DGCR2: variants seen among roughly 807,000 people sequenced by gnomAD.
DGCR2 encodes the protein DiGeorge syndrome critical region gene 2.
DGCR2 carries 24 observed loss-of-function variants against 51.6 expected under a neutral mutation model. The ratio of observed to expected loss-of-function variants is 0.47; its 90% CI spans 0.34 to 0.65. DGCR2 has a LOEUF of 0.65. DGCR2 is among the 30% of genes least tolerant of loss of function. The probability of loss-of-function intolerance (pLI) is 0.01; values close to 1 mark genes in which losing one functional copy is unlikely to be tolerated. For missense variants in DGCR2, 765 were observed against 772.1 expected (o/e 0.99, Z 0.11); for synonymous variants, 340 against 315.4 (o/e 1.08, Z -0.82).
In DGCR2 at chr22:19,065,010, T is replaced by A. The variant is rs1569055964; in HGVS notation, c.386A>T (p.Tyr129Phe). ...WHHYEGTASCYRVYLSGENYW... is the reference protein window; with the variant it reads ...WHHYEGTASCFRVYLSGENYW... ...GTTCTCCCCGCTCAGGTAGACCCGG[T>A]AGCAGCTGGCCGTGCCTTCGTAGTG... The change falls in exon 4 of 10, where the codon TAC becomes TTC. Residue 129 changes from tyrosine (Y) to phenylalanine (F), a missense_variant. Transcript: ENST00000263196. The A allele has an allele frequency of 6.2e-7, 1 of 1,614,074 alleles. No homozygotes were observed.
intron 6 of DGCR2, chr22:19,056,637 G>A (rs2082606394): frequency 5.1e-6 from 2 of 388,616 alleles, no homozygotes; most frequent in Non-Finnish European, 9.3e-6. Flanking sequence ...CAGAAATGGG[G>A]GGTGGGGAGG....
chr22:19,062,224 T>C (rs2082671465), intron 5 of DGCR2, among the ~76,000 whole-genome samples: 1 of 152,212 alleles, frequency 6.6e-6, no homozygotes, highest in Non-Finnish European at 1.5e-5. Context: ...AGGAGGGCAC[T>C]GGTGGTCATG....
chr22:19,060,678 A>C (rs1169650058), intron 5 of DGCR2: 2 of 286,128 alleles, frequency 7.0e-6, no homozygotes, highest in Non-Finnish European at 1.4e-5. Context: ...CTTTCTGCAC[A>C]AATGTTACAG....
chr22:19,076,498 A>G (rs1290105786), intron 2 of DGCR2, among the ~76,000 whole-genome samples: 1 of 151,924 alleles, frequency 6.6e-6, no homozygotes, highest in Admixed American at 6.6e-5. Context: ...TGGCACTGTC[A>G]TACTGTTTTA....
rs773231212 is a variant in DGCR2, at chr22:19,063,239, G to A, written c.588C>T (p.Asn196=). ...VGYQYVITGR[N]RSLEGRWEVA... The stretch of plus-strand genomic sequence containing the variant: ...CCTCCCAGCGACCTTCCAAGGAGCG[G>A]TTCCGGCCAGTGATAACATACTGAT... Residue 196 remains asparagine, a synonymous_variant, in exon 5 of 10, where the codon AAC becomes AAT. Coordinates refer to ENST00000263196, the MANE Select transcript of DGCR2 (RefSeq NM_005137.3). 136 of 1,614,106 alleles carry A rather than the reference G, an allele frequency of 8.4e-5. No homozygotes were observed. Among genetic ancestry groups the A allele is most frequent in the Non-Finnish European group, 1.1e-4 (133 of 1,180,054 alleles).
chr22:19,055,125 CAA>C (rs1466549127), intron 6 of DGCR2, among the ~76,000 whole-genome samples: 11 of 151,904 alleles, frequency 7.2e-5, no homozygotes, highest in Admixed American at 2.0e-4. Context: ...CAAAAAACAA[CAA>C]AGAGTTTCAA....
At chr22:19,070,635 T>C (rs1308242908) in intron 2 of DGCR2, among the ~76,000 whole-genome samples, 3 of 152,200 alleles carry the variant, frequency 2.0e-5, no homozygotes, top group Admixed American at 6.5e-5. Flanking sequence ...ATCTGCCCCC[T>C]GGGGTGGGAG....
intron 7 of DGCR2, 99 bp downstream of exon 7, chr22:19,048,341 A>G (rs1363374057): frequency 7.7e-7 from 1 of 1,303,752 alleles, no homozygotes; most frequent in East Asian, 2.3e-5. Context: ...GATGCTCCAT[A>G]AACTCTCCTG....
At chr22:19,100,268 C>CA (rs949904368) in intron 1 of DGCR2, among the ~76,000 whole-genome samples, 3 of 150,766 alleles carry the variant, frequency 2.0e-5, no homozygotes, top group Admixed American at 6.6e-5. Flanking sequence ...GACTCTGTCT[C>CA]AAAAAAAAGA....
chr22:19,106,489 C>T (rs1419877909), intron 1 of DGCR2, among the ~76,000 whole-genome samples: 1 of 152,144 alleles, frequency 6.6e-6, no homozygotes, highest in Non-Finnish European at 1.5e-5. Flanking sequence ...CACCAGGCTA[C>T]AGCACCAACG....
chr22:19,064,879 C>T lies in DGCR2; in HGVS notation c.517G>A (p.Glu173Lys), dbSNP rs760652585. ...TGGTCCTTCCAACCAAAGCTCCGCTCGGGCTGGTCCCATTCCTGGGCCAGG... is the reference window on the plus strand; with the variant it reads ...TGGTCCTTCCAACCAAAGCTCCGCTTGGGCTGGTCCCATTCCTGGGCCAGG... ...FVLAQEWDQP[E>K]RSFGWKDQRK... is the part of the protein sequence containing the mutation. Residue 173 changes from glutamate (E) to lysine (K), a missense_variant, in exon 4 of 10, where the codon GAG (glutamate) becomes AAG (lysine). Transcript: ENST00000263196. The T allele has an allele frequency of 2.7e-5, 44 of 1,613,726 alleles. No homozygotes were observed. Among genetic ancestry groups the T allele is most frequent in the Non-Finnish European group, 3.1e-5 (37 of 1,180,004 alleles).
intron 1 of DGCR2, 36 bp from the exon 2 acceptor site, chr22:19,089,526 T>C (rs773117899): frequency 6.7e-7 from 1 of 1,499,396 alleles, no homozygotes; most frequent in South Asian, 1.3e-5. Flanking sequence ...ATTGAGGAAG[T>C]GGCAGTAGGC....
intron 7 of DGCR2, among the ~76,000 whole-genome samples, chr22:19,044,767 T>C (rs1388453828): frequency 2.6e-5 from 4 of 152,280 alleles, no homozygotes; most frequent in Non-Finnish European, 5.9e-5. Context: ...ACTGTCATCC[T>C]ATATCTTCTT....
intron 6 of DGCR2, among the ~76,000 whole-genome samples, chr22:19,050,838 C>T (rs922774063): frequency 7.9e-5 from 12 of 152,062 alleles, no homozygotes; most frequent in Non-Finnish European, 1.3e-4. Flanking sequence ...AGGAAAAAAA[C>T]ACAGAAGAAA....
At chr22:19,087,824 A>T (rs2083034843) in intron 2 of DGCR2, among the ~76,000 whole-genome samples, 1 of 151,940 alleles carries the variant, frequency 6.6e-6, no homozygotes. Context: ...AGCTGGGATT[A>T]TAGGTGTGCA....
At position 19,052,779 on chromosome 22, in the gene DGCR2, GA is replaced by G. The variant is rs894758631; in HGVS notation, c.803-4137del. Among the ~76,000 whole-genome samples the G allele has an allele frequency of 7.3e-5, 10 of 136,214 alleles. 1 individual carries two copies. Among genetic ancestry groups the G allele is most frequent in the Middle Eastern group, 7.6e-3 (2 of 264 alleles). 89.4% of individuals were successfully genotyped at this position (136,214 alleles called of 152,430 possible). On this transcript the variant is annotated intron_variant, in intron 6 of 9. Transcript: ENST00000263196. The stretch of plus-strand genomic sequence containing the variant: ...GTGACAGAGACCTTGTCGCCAAAAA[GA>G]AAAAAAAAAGGAACAAATCATTAAT...
intron 1 of DGCR2, among the ~76,000 whole-genome samples, chr22:19,111,602 G>T (rs1382637237): frequency 6.6e-6 from 1 of 152,156 alleles, no homozygotes; most frequent in Non-Finnish European, 1.5e-5. Flanking sequence ...AATGAGTCTT[G>T]TCAGGTAAAG....
chr22:19,085,363 CCT>C (rs2083003388), intron 2 of DGCR2, among the ~76,000 whole-genome samples: 1 of 152,286 alleles, frequency 6.6e-6, no homozygotes, highest in Non-Finnish European at 1.5e-5. Flanking sequence ...GCTCTGCAGC[CCT>C]GAGACAGCTG....
intron 1 of DGCR2, among the ~76,000 whole-genome samples, chr22:19,105,173 A>C (rs2083248764): frequency 6.6e-6 from 1 of 152,128 alleles, no homozygotes; most frequent in African/African-American, 2.4e-5. Context: ...AAATACAAAA[A>C]TTAGCTGGGC....
Sources: gnomAD v4.1 joint callset for allele counts (sites outside exome capture counted in the v4.1 genomes callset) on GRCh38, gnomAD v4.1.1 for gene constraint, MANE v1.5 for transcripts, NCBI Gene and HGNC (gene_info 2026-07-23, HGNC 2026-07-21) for gene names.